Variants in CACNA1E observed in about 807,000 individuals in gnomAD.
CACNA1E encodes calcium voltage-gated channel subunit alpha1 E.
CACNA1E carries 40 observed loss-of-function variants against 259.2 expected under a neutral mutation model. That is an observed-to-expected ratio of 0.15 (90% CI 0.12 to 0.20). The LOEUF (loss-of-function observed/expected upper bound fraction) is 0.20. Ranked by LOEUF, CACNA1E falls within the 10% of genes least tolerant of loss-of-function variation. The pLI, the probability that CACNA1E is intolerant of heterozygous loss-of-function variation, is 1.00. For synonymous variants in CACNA1E, 1,104 were observed against 1,138.5 expected (o/e 0.97, Z 0.61); for missense variants, 1,874 against 3,040.1 (o/e 0.62, Z 9.02).
chr1:181,593,946 A>C (rs1036316464), intron 6 of CACNA1E, among the ~76,000 whole-genome samples: 2 of 152,254 alleles, frequency 1.3e-5, no homozygotes, highest in Admixed American at 6.5e-5. Flanking sequence ...CCAGAATAGC[A>C]TAATGGAAAA....
At chr1:181,338,809 CT>C (rs1296119812) in intron 1 of CACNA1E, among the ~76,000 whole-genome samples, 2 of 151,938 alleles carry the variant, frequency 1.3e-5, no homozygotes, top group African/African-American at 4.8e-5. Context: ...ATGTTTTGGT[CT>C]TTAATCCATT....
chr1:181,351,443 G>A (rs986510200), intron 1 of CACNA1E, among the ~76,000 whole-genome samples: 1 of 152,208 alleles, frequency 6.6e-6, no homozygotes, highest in African/African-American at 2.4e-5. Context: ...TTTCCGGTAT[G>A]GAGATAAAGT....
chr1:181,508,304 G>A (rs1436558833), intron 1 of CACNA1E, among the ~76,000 whole-genome samples: 1 of 152,186 alleles, frequency 6.6e-6, no homozygotes, highest in Admixed American at 6.5e-5. Flanking sequence ...TATAGCACCA[G>A]TATTTCATGG....
At chr1:181,514,866 T>C (rs774921799) in intron 3 of CACNA1E, among the ~76,000 whole-genome samples, 1 of 152,186 alleles carries the variant, frequency 6.6e-6, no homozygotes, top group Non-Finnish European at 1.5e-5. Context: ...CTTTGGCCTA[T>C]AAGTTGAGGG....
intron 3 of CACNA1E, among the ~76,000 whole-genome samples, chr1:181,546,200 C>T (rs540106217): frequency 5.9e-5 from 9 of 152,236 alleles, no homozygotes; most frequent in Admixed American, 1.3e-4. Flanking sequence ...AGCCTGGCAG[C>T]GTGTGCCATC....
At chr1:181,353,558 TTAG>T (rs1290663888) in intron 1 of CACNA1E, among the ~76,000 whole-genome samples, 7 of 152,120 alleles carry the variant, frequency 4.6e-5, no homozygotes, top group Non-Finnish European at 1.0e-4. Flanking sequence ...TGGGGAACCA[TTAG>T]TAGTCTGGCA....
At chr1:181,328,502 T>C (rs1301790401) in intron 1 of CACNA1E, among the ~76,000 whole-genome samples, 2 of 152,150 alleles carry the variant, frequency 1.3e-5, no homozygotes, top group South Asian at 2.1e-4. Flanking sequence ...TTCCATTGCC[T>C]AAAGCAAGTC....
chr1:181,542,712 C>A (rs1668686040), intron 3 of CACNA1E, among the ~76,000 whole-genome samples: 1 of 151,848 alleles, frequency 6.6e-6, no homozygotes, highest in Non-Finnish European at 1.5e-5. Flanking sequence ...AAACTCTTTC[C>A]CTTATAAATT....
chr1:181,340,646 C>A (rs1442207981), intron 1 of CACNA1E, among the ~76,000 whole-genome samples: 2 of 152,008 alleles, frequency 1.3e-5, no homozygotes, highest in Non-Finnish European at 2.9e-5. Context: ...TTATTAAATT[C>A]ATTCCTAGGG....
At chr1:181,545,986 C>G (rs545708906) in intron 3 of CACNA1E, among the ~76,000 whole-genome samples, 1 of 152,072 alleles carries the variant, frequency 6.6e-6, no homozygotes, top group South Asian at 2.1e-4. Flanking sequence ...ACCTAGAGAG[C>G]CATCCTGAGA....
intron 2 of CACNA1E, among the ~76,000 whole-genome samples, chr1:181,443,889 T>C (rs1194152036): frequency 6.6e-6 from 1 of 152,234 alleles, no homozygotes; most frequent in Non-Finnish European, 1.5e-5. Flanking sequence ...CTTTGATGAA[T>C]CCTCAAAATA....
chr1:181,784,803 G>A (rs1660720144), intron 41 of CACNA1E, 35 bp downstream of exon 41: 1 of 1,279,368 alleles, frequency 7.8e-7, no homozygotes, highest in African/African-American at 1.5e-5. Flanking sequence ...TTGTCACTGT[G>A]GGCCCAGCAT....
intron 3 of CACNA1E, among the ~76,000 whole-genome samples, chr1:181,549,814 G>A (rs188101832): frequency 1.3e-5 from 2 of 152,320 alleles, no homozygotes; most frequent in African/African-American, 4.8e-5. Context: ...TGCATGTCAC[G>A]GCAACCACTG....
At chr1:181,621,764 C>T (rs1655743429) in intron 6 of CACNA1E, among the ~76,000 whole-genome samples, 1 of 152,098 alleles carries the variant, frequency 6.6e-6, no homozygotes, top group South Asian at 2.1e-4. Context: ...GTGTTATCAG[C>T]CATCTTTCAA....
In CACNA1E at chr1:181,733,610, A is replaced by G; in HGVS notation, c.3122A>G (p.Asp1041Gly). 1 of 1,612,952 alleles carries G rather than the reference A, an allele frequency of 6.2e-7. No homozygotes were observed. Among genetic ancestry groups the G allele is most frequent in the Non-Finnish European group, 8.5e-7 (1 of 1,179,472 alleles). ...EQALLGNVQL[D>G]MGRVISQSEP... ...GCCCTGCTGGGGAATGTGCAGCTAG[A>G]CATGGGCCGGGTCATCAGCCAGAGC... is the stretch of plus-strand genomic sequence containing the variant. Residue 1041 changes from aspartate (D) to glycine (G), a missense_variant, in exon 21 of 48, where the codon GAC (aspartate) becomes GGC (glycine). This residue lies in a region of CACNA1E where 476 missense variants were observed against 514.0 expected (regional missense o/e 0.93). Transcript: ENST00000367573.
At chr1:181,775,762 A>G (rs146407010) in intron 37 of CACNA1E, among the ~76,000 whole-genome samples, 2 of 152,360 alleles carry the variant, frequency 1.3e-5, no homozygotes, top group African/African-American at 2.4e-5. Context: ...CATCGTGTTC[A>G]TTTGTATACA....
intron 2 of CACNA1E, among the ~76,000 whole-genome samples, chr1:181,423,676 T>C (rs1365319723): frequency 6.6e-6 from 1 of 151,178 alleles, no homozygotes; most frequent in African/African-American, 2.4e-5. Flanking sequence ...TTTTTTTTTT[T>C]TTGCTGGCCT....
intron 1 of CACNA1E, among the ~76,000 whole-genome samples, chr1:181,375,499 T>C (rs980058717): frequency 6.6e-6 from 1 of 152,220 alleles, no homozygotes; most frequent in Non-Finnish European, 1.5e-5. Context: ...GGGACAACCA[T>C]GATAACAAAA....
intron 2 of CACNA1E, among the ~76,000 whole-genome samples, chr1:181,477,959 A>C (rs1028324285): frequency 1.3e-5 from 2 of 152,216 alleles, no homozygotes; most frequent in Non-Finnish European, 2.9e-5. Context: ...TACCTCTCTA[A>C]AGCTCAAGAT....
Sources: allele counts gnomAD v4.1 joint callset (sites outside exome capture counted in the v4.1 genomes callset), GRCh38; gene constraint gnomAD v4.1.1; regional missense constraint gnomAD v4.1.1; transcripts MANE v1.5; gene names NCBI Gene and HGNC (gene_info 2026-07-23, HGNC 2026-07-21).